Variants in MYLK4 observed in about 807,000 individuals in gnomAD.
The protein encoded by MYLK4 is myosin light chain kinase family member 4.
A neutral mutation model predicts 48.1 loss-of-function variants in MYLK4; 46 were observed. The ratio of observed to expected loss-of-function variants is 0.96; its 90% CI spans 0.75 to 1.22. The LOEUF is 1.22. MYLK4 is among the 50% of genes most tolerant of loss of function. The pLI, the probability that MYLK4 is intolerant of heterozygous loss-of-function variation, is 0.00. For missense variants in MYLK4, 451 were observed against 486.1 expected (o/e 0.93, Z 0.68); for synonymous variants, 170 against 180.8 (o/e 0.94, Z 0.48).
intron 2 of MYLK4, among the ~76,000 whole-genome samples, chr6:2,715,444 G>A (rs1582086308): frequency 6.6e-6 from 1 of 152,160 alleles, no homozygotes; most frequent in Non-Finnish European, 1.5e-5. Context: ...AGTCATAAAA[G>A]CCAATTTCAT....
chr6:2,770,279 G>C, the MYLK4 span: 1 of 1,614,160 alleles, frequency 6.2e-7, no homozygotes, highest in Non-Finnish European at 8.5e-7. Context: ...TTTAATGCGA[G>C]CGATCAACTC....
At position 2,695,139 on chromosome 6, in the gene MYLK4, T is replaced by C. The variant is rs539893733; in HGVS notation, c.160-2280A>G. The stretch of plus-strand genomic sequence containing the variant: ...CAATTTTGAAAGCATATATCCAAAT[T>C]AGTCGAATAAGACAGTTTAACAAAT... On this transcript the variant is annotated intron_variant, in intron 2 of 12. Transcript: ENST00000274643. Among the ~76,000 whole-genome samples, 5 of 152,310 alleles carry C rather than the reference T, an allele frequency of 3.3e-5. No homozygotes were observed. In the East Asian group the frequency reaches 9.6e-4, roughly 29 times the overall value.
intron 4 of MYLK4, among the ~76,000 whole-genome samples, chr6:2,687,307 T>G (rs1011204): frequency 0.33 from 49,437 of 152,092 alleles, 8,923 homozygotes; most frequent in African/African-American, 0.48. Flanking sequence ...CATTTGATCA[T>G]GCTCCTCTCA....
At chr6:2,764,726 A>G in the MYLK4 span, among the ~76,000 whole-genome samples, 4 of 152,146 alleles carry the variant, frequency 2.6e-5, no homozygotes, top group African/African-American at 9.7e-5. Flanking sequence ...ATTTGCCACT[A>G]TTACACAGCG....
At chr6:2,674,995 C>T (rs1761031654) in intron 11 of MYLK4, 52 bp downstream of exon 11, 1 of 1,323,084 alleles carries the variant, frequency 7.6e-7, no homozygotes, top group African/African-American at 1.4e-5. Flanking sequence ...ATCTGATCTT[C>T]AAAAGACAGG....
At chr6:2,671,200 G>C (rs1341478240) in intron 12 of MYLK4, 76 bp downstream of exon 12, 1 of 1,045,486 alleles carries the variant, frequency 9.6e-7, no homozygotes, top group South Asian at 1.4e-5. Flanking sequence ...TAGTCTGTGA[G>C]CAAATGCTCC....
chr6:2,748,228 A>T (rs1764166051), intron 2 of MYLK4, among the ~76,000 whole-genome samples: 1 of 152,254 alleles, frequency 6.6e-6, no homozygotes, highest in Admixed American at 6.5e-5. Context: ...AGATCTGTGC[A>T]TTCCAAAAAC....
At chr6:2,694,948 C>A (rs2113188360) in intron 2 of MYLK4, among the ~76,000 whole-genome samples, 1 of 152,074 alleles carries the variant, frequency 6.6e-6, no homozygotes, top group East Asian at 1.9e-4. Context: ...TACATGATTC[C>A]TATTTATTGA....
intron 10 of MYLK4, among the ~76,000 whole-genome samples, chr6:2,676,308 C>T (rs1010692355): frequency 6.6e-6 from 1 of 152,080 alleles, no homozygotes; most frequent in Non-Finnish European, 1.5e-5. Context: ...GTGACAACAT[C>T]ACCATTATAG....
the MYLK4 span, chr6:2,766,281 A>G: frequency 6.3e-7 from 1 of 1,589,608 alleles, no homozygotes; most frequent in Non-Finnish European, 8.5e-7. Flanking sequence ...GAGATCCGAC[A>G]GATGCTACAG....
intron 2 of MYLK4, among the ~76,000 whole-genome samples, chr6:2,737,970 C>A (rs1763742896): frequency 6.2e-4 from 1 of 1,608 alleles, no homozygotes; most frequent in Non-Finnish European, 1.3e-3. Flanking sequence ...GGGTGGGGTG[C>A]CGGGGGCGGG....
chr6:2,764,664 C>G, the MYLK4 span, among the ~76,000 whole-genome samples: 4 of 152,186 alleles, frequency 2.6e-5, no homozygotes, highest in Non-Finnish European at 4.4e-5. Flanking sequence ...TAATTGCACA[C>G]GGGCGCCTCC....
At chr6:2,719,563 C>G (rs1433883314) in intron 2 of MYLK4, among the ~76,000 whole-genome samples, 1 of 152,146 alleles carries the variant, frequency 6.6e-6, no homozygotes. Flanking sequence ...TTTTATAGCC[C>G]TTGAAGTTTG....
intron 2 of MYLK4, among the ~76,000 whole-genome samples, chr6:2,711,780 TA>T (rs979429883): frequency 7.9e-5 from 12 of 152,160 alleles, no homozygotes; most frequent in African/African-American, 4.8e-5. Context: ...TTAACAATGC[TA>T]AAGTTGGGTA....
chr6:2,745,995 G>A (rs1764076770), intron 2 of MYLK4, among the ~76,000 whole-genome samples: 1 of 151,814 alleles, frequency 6.6e-6, no homozygotes. Flanking sequence ...GCTCACGCCT[G>A]TAATCTCAGC....
the MYLK4 span, among the ~76,000 whole-genome samples, chr6:2,762,094 T>C: frequency 2.0e-5 from 3 of 152,236 alleles, no homozygotes; most frequent in Middle Eastern, 3.4e-3. Context: ...GTATTTTTAG[T>C]AGACAGGGTT....
chr6:2,748,063 A>G (rs188511872), intron 2 of MYLK4, among the ~76,000 whole-genome samples: 271 of 152,260 alleles, frequency 1.8e-3, no homozygotes, highest in African/African-American at 6.2e-3. Context: ...TTCATTGTCT[A>G]TTGCATTGTT....
At position 2,683,110 on chromosome 6, in the gene MYLK4, T is replaced by C; in HGVS notation, c.598A>G (p.Thr200Ala). ...ATGAACAGGATGGTATCAAGCTCCGTCAAATTGTAGCTCTCATCGATGATG... is the reference window on the plus strand; with the variant it reads ...ATGAACAGGATGGTATCAAGCTCCGCCAAATTGTAGCTCTCATCGATGATG... ...DRIIDESYNL[T>A]ELDTILFMKQ... Residue 200 changes from threonine to alanine, a missense_variant, in exon 7 of 13, where the codon ACG (threonine) becomes GCG (alanine). Physicochemically the swap from Thr to Ala is moderately conservative, Grantham distance 58. Coordinates refer to ENST00000274643, the MANE Select transcript of MYLK4 (RefSeq NM_001012418.5). 1 of 1,614,094 alleles carries C rather than the reference T, an allele frequency of 6.2e-7. No individual in the cohort carries two copies. The highest frequency in any genetic ancestry group is 8.5e-7 in the Non-Finnish European group (1 of 1,180,012).
At chr6:2,767,945 C>A in the MYLK4 span, among the ~76,000 whole-genome samples, 1 of 152,170 alleles carries the variant, frequency 6.6e-6, no homozygotes, top group Non-Finnish European at 1.5e-5. Flanking sequence ...AAAGAAAGTA[C>A]CACCTTTCCA....
Sources: allele counts gnomAD v4.1 joint callset (sites outside exome capture counted in the v4.1 genomes callset), GRCh38; gene constraint gnomAD v4.1.1; transcripts MANE v1.5; gene names NCBI Gene and HGNC (gene_info 2026-07-23, HGNC 2026-07-21).